Variants in LYN observed in about 807,000 individuals in gnomAD.
The protein encoded by LYN is tyrosine-protein kinase Lyn.
LYN carries 12 observed loss-of-function variants against 65.0 expected under a neutral mutation model. The observed-to-expected ratio is 0.18, with a 90% confidence interval of 0.12 to 0.30. The LOEUF (loss-of-function observed/expected upper bound fraction) is 0.30, where lower values mean the gene tolerates loss of function less well. LYN is among the 10% of genes least tolerant of loss of function. The pLI is 1.00. For missense variants in LYN, 380 were observed against 623.2 expected, an observed-to-expected ratio of 0.61 and a Z score of 4.16; for synonymous variants, 222 against 221.2, an observed-to-expected ratio of 1.00 and a Z score of -0.03.
At chr8:55,908,092 G>C (rs1292102528) in intron 1 of LYN, among the ~76,000 whole-genome samples, 1 of 152,032 alleles carries the variant, frequency 6.6e-6, no homozygotes, top group African/African-American at 2.4e-5. Flanking sequence ...GCTGCTTGAG[G>C]TCACACTGCT....
At chr8:55,931,419 G>A (rs1000795149) in intron 1 of LYN, among the ~76,000 whole-genome samples, 9 of 150,222 alleles carry the variant, frequency 6.0e-5, no homozygotes, top group South Asian at 2.1e-4. Flanking sequence ...TAAGGGCCTC[G>A]AAACTCTGAT....
At chr8:55,882,797 CAG>C (rs1804688376) in intron 1 of LYN, among the ~76,000 whole-genome samples, 2 of 152,272 alleles carry the variant, frequency 1.3e-5, no homozygotes, top group Non-Finnish European at 2.9e-5. Flanking sequence ...GAAAAAGATT[CAG>C]GGGGTTGTCT....
chr8:55,891,376 G>A (rs978320449), intron 1 of LYN, among the ~76,000 whole-genome samples: 12 of 151,562 alleles, frequency 7.9e-5, no homozygotes, highest in Non-Finnish European at 1.8e-4. Flanking sequence ...AGGAAATGCT[G>A]ACACATGATA....
rs148490398 is a variant in LYN at position 55,899,440 on chromosome 8, A to T, written c.-6+19337A>T. Reference sequence around the variant, plus strand: ...AACATAATGTCCTTGACTTTAGTTTATCAAGCAGACTTTATACATTAACAT... The same window carrying T: ...AACATAATGTCCTTGACTTTAGTTTTTCAAGCAGACTTTATACATTAACAT... On this transcript the variant is annotated intron_variant, in intron 1 of 12. Coordinates refer to ENST00000519728, the MANE Select transcript of LYN (RefSeq NM_002350.4). Among the ~76,000 whole-genome samples the T allele has an allele frequency of 6.5e-3, 983 of 152,352 alleles. 7 individuals are homozygous for T. Among genetic ancestry groups the T allele is most frequent in the Middle Eastern group, 0.01 (3 of 294 alleles).
At chr8:56,008,764 A>T (rs1808740502) in intron 12 of LYN, among the ~76,000 whole-genome samples, 1 of 152,174 alleles carries the variant, frequency 6.6e-6, no homozygotes, top group Admixed American at 6.5e-5. Flanking sequence ...GGTCAGGAAT[A>T]TGCAAATCCA....
At chr8:55,950,660 A>C (rs370286182) in intron 5 of LYN, 21 bp from the exon 6 acceptor site, 6 of 1,593,674 alleles carry the variant, frequency 3.8e-6, no homozygotes, top group Non-Finnish European at 5.2e-6. Context: ...ATATGCAGGA[A>C]ATGTTGAAAT....
chr8:56,000,782 T>C (rs1389220024), intron 12 of LYN, among the ~76,000 whole-genome samples: 2 of 150,632 alleles, frequency 1.3e-5, no homozygotes, highest in Non-Finnish European at 3.0e-5. Context: ...AGCCTTCATA[T>C]TTTCATTTAT....
At position 55,976,425 on chromosome 8, in the gene LYN, GTC is replaced by G. The variant is rs570513393; in HGVS notation, c.1050+6635_1050+6636del. On this transcript the variant is annotated intron_variant, in intron 10 of 12. Coordinates refer to ENST00000519728, the MANE Select transcript of LYN (RefSeq NM_002350.4). ...GGAGAGTAAATTCCAGCTGACCTTT[GTC>G]TCCAGCACTTGGCTTGCTCTCCCTG... Among the ~76,000 whole-genome samples the G allele has an allele frequency of 1.9e-3, 282 of 151,894 alleles. 3 individuals are homozygous for G. The highest frequency in any genetic ancestry group is 6.3e-3 in the African/African-American group (262 of 41,420).
intron 10 of LYN, 120 bp downstream of exon 10, chr8:55,969,913 G>A (rs1807566396): frequency 7.2e-6 from 6 of 836,704 alleles, no homozygotes; most frequent in South Asian, 1.4e-5. Flanking sequence ...CCCAGCAGCA[G>A]TTATGAGAAA....
chr8:55,907,415 G>A (rs1805458345), intron 1 of LYN, among the ~76,000 whole-genome samples: 1 of 152,164 alleles, frequency 6.6e-6, no homozygotes, highest in Admixed American at 6.5e-5. Context: ...GTCATGAGAG[G>A]GGATGCCTTA....
intron 12 of LYN, among the ~76,000 whole-genome samples, chr8:56,002,209 G>A (rs1247661735): frequency 1.3e-5 from 2 of 152,146 alleles, no homozygotes; most frequent in Non-Finnish European, 2.9e-5. Context: ...CACAAGGTCA[G>A]GAGATCAAGA....
At chr8:55,970,995 T>C (rs1807594130) in intron 10 of LYN, among the ~76,000 whole-genome samples, 2 of 152,154 alleles carry the variant, frequency 1.3e-5, no homozygotes, top group Admixed American at 6.5e-5. Flanking sequence ...TGGTGGAAGC[T>C]GGGAAAACCC....
intron 1 of LYN, among the ~76,000 whole-genome samples, chr8:55,883,273 G>A (rs1237055471): frequency 1.3e-5 from 2 of 152,178 alleles, no homozygotes; most frequent in South Asian, 2.1e-4. Context: ...GTGCTTAAAA[G>A]CAAATAAATA....
chr8:55,953,000 A>G (rs146770592), intron 7 of LYN, among the ~76,000 whole-genome samples: 16 of 152,250 alleles, frequency 1.1e-4, no homozygotes, highest in Admixed American at 3.3e-4. Flanking sequence ...GACCTGCTCG[A>G]AGGGGATGCA....
At chr8:55,960,854 C>A (rs552884065) in intron 8 of LYN, among the ~76,000 whole-genome samples, 109 of 152,034 alleles carry the variant, frequency 7.2e-4, no homozygotes, top group Non-Finnish European at 1.2e-3. Flanking sequence ...GGGGAAGGGG[C>A]TGGGTGGGGA....
intron 8 of LYN, among the ~76,000 whole-genome samples, chr8:55,961,688 T>C (rs1807279355): frequency 6.6e-6 from 1 of 152,232 alleles, no homozygotes; most frequent in Non-Finnish European, 1.5e-5. Context: ...ATGAGCTTCA[T>C]TGTTTTTATG....
At chr8:55,987,063 C>T (rs1206804147) in intron 10 of LYN, among the ~76,000 whole-genome samples, 3 of 152,042 alleles carry the variant, frequency 2.0e-5, no homozygotes, top group African/African-American at 7.2e-5. Context: ...TTCTTTTTGC[C>T]TCTTTTTTTT....
intron 8 of LYN, among the ~76,000 whole-genome samples, chr8:55,964,408 TACA>T (rs1807384832): frequency 6.6e-6 from 1 of 152,108 alleles, no homozygotes; most frequent in Non-Finnish European, 1.5e-5. Context: ...CAAAGTGGAA[TACA>T]AAATAAAACA....
intron 1 of LYN, among the ~76,000 whole-genome samples, chr8:55,883,070 C>A (rs901499023): frequency 6.6e-6 from 1 of 152,210 alleles, no homozygotes; most frequent in African/African-American, 2.4e-5. Flanking sequence ...CATTAGCCTA[C>A]TGTTGGACAA....
Sources: gnomAD v4.1 joint callset for allele counts (sites outside exome capture counted in the v4.1 genomes callset) on GRCh38, gnomAD v4.1.1 for gene constraint, MANE v1.5 for transcripts, NCBI Gene and HGNC (gene_info 2026-07-23, HGNC 2026-07-21) for gene names.